Variants in CHIT1 observed in about 807,000 individuals in gnomAD.
CHIT1 encodes chitotriosidase-1.
In CHIT1, 47 loss-of-function variants were observed where a neutral mutation model predicts 52.0. The observed-to-expected ratio is 0.90, with a 90% CI of 0.71 to 1.15. The LOEUF (loss-of-function observed/expected upper bound fraction) is 1.15, where lower values mean the gene tolerates loss of function less well. Ranked by LOEUF, CHIT1 falls within the 50% of genes most tolerant of loss-of-function variation. CHIT1 has a pLI of 0.00. For synonymous variants in CHIT1, 242 were observed against 228.2 expected, an observed-to-expected ratio of 1.06 and a Z score of -0.54; for missense variants, 569 against 583.0, an observed-to-expected ratio of 0.98 and a Z score of 0.25.
intron 10 of CHIT1, 53 bp downstream of exon 10, chr1:203,217,686 G>A: frequency 6.2e-7 from 1 of 1,613,762 alleles, no homozygotes; most frequent in Middle Eastern, 1.7e-4. Context: ...GCATGGAGCT[G>A]TGTTTGTACC....
rs188371763 is a variant in CHIT1 at position 203,223,606 on chromosome 1, G to A, written c.369C>T (p.Ala123=). The change falls in exon 5 of 11, where the codon GCC becomes GCT. Residue 123 remains alanine, a synonymous_variant. Coordinates refer to ENST00000367229, the MANE Select transcript of CHIT1 (RefSeq NM_003465.3). ...ANNRQTFVNS[A]IRFLRKYSFD... Reference sequence around the variant, plus strand: ...AGCTGTATTTGCGCAGAAACCTGATGGCCGAGTTGACAAAGGTCTGACGGT... The same window carrying A: ...AGCTGTATTTGCGCAGAAACCTGATAGCCGAGTTGACAAAGGTCTGACGGT... The A allele has an allele frequency of 2.8e-5, 45 of 1,614,232 alleles. 1 individual carries two copies. The African/African-American group carries it at 5.3e-4, about 19-fold the overall frequency.
At chr1:203,222,116 C>T in intron 7 of CHIT1, 86 bp downstream of exon 7, 5 of 1,582,460 alleles carry the variant, frequency 3.2e-6, no homozygotes, top group Non-Finnish European at 4.3e-6. Context: ...TCTTTTTTCC[C>T]ATGAGGGCCT....
chr1:203,228,692 G>A, intron 1 of CHIT1, 130 bp from the exon 2 acceptor site: 1 of 1,089,330 alleles, frequency 9.2e-7, no homozygotes, highest in Non-Finnish European at 1.4e-6. Context: ...TCTCCTTTCA[G>A]AAGGGACCCA....
At chr1:203,225,192 G>C in intron 3 of CHIT1, 88 bp from the exon 4 acceptor site, 2 of 1,238,818 alleles carry the variant, frequency 1.6e-6, no homozygotes, top group South Asian at 2.4e-5. Context: ...GGAACAACAG[G>C]GGTGGGGACG....
At position 203,225,380 on chromosome 1, in the gene CHIT1, G is replaced by A. The variant is rs577855538; in HGVS notation, c.258-276C>T. ...TGAAGGCGCCCAGAACACTGGAGCT[G>A]AAGGGTGGATCAATTTCATAATGAG... On this transcript the variant is annotated intron_variant, in intron 3 of 10. Coordinates refer to ENST00000367229, the MANE Select transcript of CHIT1 (RefSeq NM_003465.3). Among the ~76,000 whole-genome samples, 6 of 152,122 alleles carry A rather than the reference G, an allele frequency of 3.9e-5. No homozygotes were observed. The East Asian group carries it at 1.2e-3, about 29-fold the overall frequency.
chr1:203,216,934 T>C lies in CHIT1; in HGVS notation c.1356A>G (p.Thr452=), dbSNP rs759297490. 8.1e-6 allele frequency: 13 copies of C among 1,614,116 alleles called. No individual in the cohort carries two copies. In the South Asian group the frequency reaches 1.4e-4, roughly 18 times the overall value. ...TGCAGGAGTTGCTGAACACCAGGCCTGTCGGGCAGCTTTGCTGGAACAGCC... is the reference window on the plus strand; with the variant it reads ...TGCAGGAGTTGCTGAACACCAGGCCCGTCGGGCAGCTTTGCTGGAACAGCC... ...AGRLFQQSCP[T]GLVFSNSCKC... Residue 452 remains threonine, a synonymous_variant, in exon 11 of 11, where the codon ACA becomes ACG. Transcript: ENST00000367229.
chr1:203,225,182 G>A, intron 3 of CHIT1, 78 bp from the exon 4 acceptor site: 1 of 1,330,996 alleles, frequency 7.5e-7, no homozygotes, highest in Admixed American at 1.7e-5. Context: ...ACAGTGGGGA[G>A]GAACAACAGG....
rs768714545 is a variant in CHIT1, at chr1:203,222,343, G to A, written c.606-18C>T. ...CCAGGTTCCTGCAGGAGGCATGGAAGAGGAGGTGAGAAACAAGGGATTGGG... is the reference window on the plus strand; with the variant it reads ...CCAGGTTCCTGCAGGAGGCATGGAAAAGGAGGTGAGAAACAAGGGATTGGG... On this transcript the variant is annotated intron_variant, in intron 6 of 10. Transcript: ENST00000367229. 6 of 1,614,178 alleles carry A rather than the reference G, an allele frequency of 3.7e-6. No individual in the cohort carries two copies. The highest frequency in any genetic ancestry group is 5.1e-6 in the Non-Finnish European group (6 of 1,180,016).
At chr1:203,227,608 C>T (rs1656972396) in intron 2 of CHIT1, among the ~76,000 whole-genome samples, 1 of 152,176 alleles carries the variant, frequency 6.6e-6, no homozygotes, top group African/African-American at 2.4e-5. Context: ...CACAGGACCC[C>T]AGTGTGGGCT....
Position 203,228,666 on chromosome 1 carries a change from C to T in CHIT1, c.26-104G>A. 2 of 1,305,848 alleles carry T rather than the reference C, an allele frequency of 1.5e-6. 1 individual carries two copies. The highest frequency in any genetic ancestry group is 2.5e-5 in the South Asian group (2 of 79,126). 80.9% of individuals were successfully genotyped at this position (1,305,848 alleles called of 1,614,324 possible). A position where few individuals can be genotyped will look rare whatever the true frequency, so the allele number is the denominator to read the frequency against. On this transcript the variant is annotated intron_variant, in intron 1 of 10. Transcript: ENST00000367229. Reference sequence around the variant, plus strand: ...GGAGGTGGTCAGGGAGGGCTGATTTCATACAAATCAAGCTTTCTCCTTTCA... The same window carrying T: ...GGAGGTGGTCAGGGAGGGCTGATTTTATACAAATCAAGCTTTCTCCTTTCA...
chr1:203,228,040 C>T (rs1656988969), intron 2 of CHIT1, among the ~76,000 whole-genome samples: 1 of 152,206 alleles, frequency 6.6e-6, no homozygotes, highest in Non-Finnish European at 1.5e-5. Context: ...CCTCCTGCCT[C>T]TCTCAAGCTC....
chr1:203,229,769 C>G, upstream of CHIT1: 2 of 1,047,006 alleles, frequency 1.9e-6, no homozygotes, highest in Non-Finnish European at 1.5e-6. Context: ...GGGATGGGAG[C>G]AGGGTGGGGA....
intron 9 of CHIT1, chr1:203,218,182 C>G (rs1198141841): frequency 5.7e-6 from 7 of 1,222,012 alleles, no homozygotes. Flanking sequence ...CATGTGTGGG[C>G]TGAGCTGCTT....
upstream of CHIT1, chr1:203,229,700 A>T: frequency 6.3e-7 from 1 of 1,589,000 alleles, no homozygotes. Flanking sequence ...CTCTGCTTTT[A>T]TCTGGCCACC....
At position 203,216,726 on chromosome 1, in the gene CHIT1, AG is replaced by A. The variant is rs1431953953; in HGVS notation, c.*162del. The A allele has an allele frequency of 3.2e-6, 3 of 931,482 alleles. No homozygotes were observed. In the South Asian group the frequency reaches 4.1e-5, roughly 13 times the overall value. The allele number at this position is 931,482 out of a possible 1,614,324, so 57.7% of individuals were successfully genotyped here. A position where few individuals can be genotyped will look rare whatever the true frequency, so the allele number is the denominator to read the frequency against. On this transcript the variant is annotated 3_prime_UTR_variant, in exon 11 of 11. Transcript: ENST00000367229. Reference sequence around the variant, plus strand: ...GTGAAAGGGGCAGCCCAGGAGACCCAGAAAAAAGGAAGGCAAGGCTGAGAGC... The same window carrying A: ...GTGAAAGGGGCAGCCCAGGAGACCCAAAAAAAGGAAGGCAAGGCTGAGAGC...
At chr1:203,226,388 G>A (rs1012190902) in intron 2 of CHIT1, among the ~76,000 whole-genome samples, 1 of 152,206 alleles carries the variant, frequency 6.6e-6, no homozygotes, top group African/African-American at 2.4e-5. Context: ...GAGGGAATTA[G>A]ACATGGCATG....
rs200630872 is a variant in CHIT1 at position 203,225,757 on chromosome 1, C to G, written c.169G>C (p.Ala57Pro). Residue 57 changes from alanine to proline, a missense_variant, in exon 3 of 11, where the codon GCC becomes CCC. Coordinates refer to ENST00000367229, the MANE Select transcript of CHIT1 (RefSeq NM_003465.3). ...DPSLCTHLIY[A>P]FAGMTNHQLS... The stretch of plus-strand genomic sequence containing the variant: ...TGGTGGTTGGTCATGCCAGCGAAGG[C>G]GTAGATGAGGTGGGTGCAAAGGCTG... 1.2e-6 allele frequency: 2 copies of G among 1,613,882 alleles called. No individual in the cohort carries two copies. The highest frequency in any genetic ancestry group is 1.7e-6 in the Non-Finnish European group (2 of 1,180,000).
chr1:203,225,294 C>T (rs2102241417), intron 3 of CHIT1, among the ~76,000 whole-genome samples, 190 bp from the exon 4 acceptor site: 1 of 152,124 alleles, frequency 6.6e-6, no homozygotes, highest in Non-Finnish European at 1.5e-5. Context: ...CTCACAGAAC[C>T]ACCTGTCTAA....
intron 2 of CHIT1, among the ~76,000 whole-genome samples, chr1:203,227,761 A>G (rs1571851647): frequency 6.6e-6 from 1 of 152,354 alleles, no homozygotes; most frequent in Non-Finnish European, 1.5e-5. Context: ...AGCCTGGACT[A>G]AAGCTTTTTG....
Sources: allele counts gnomAD v4.1 joint callset (sites outside exome capture counted in the v4.1 genomes callset), GRCh38; gene constraint gnomAD v4.1.1; transcripts MANE v1.5; gene names NCBI Gene and HGNC (gene_info 2026-07-23, HGNC 2026-07-21).